The following MYT1L variants were observed in gnomAD, a reference collection of about 807,000 sequenced individuals.
The protein encoded by MYT1L is myelin transcription factor 1-like protein.
Under a neutral mutation model 126.7 loss-of-function variants are expected in MYT1L, and 12 were observed. That is an observed-to-expected ratio of 0.09 (90% CI 0.06 to 0.15). MYT1L has a LOEUF of 0.15. Ranked by LOEUF, MYT1L falls within the 10% of genes least tolerant of loss-of-function variation. The probability of loss-of-function intolerance (pLI) is 1.00; values close to 1 mark genes in which losing one functional copy is unlikely to be tolerated. For missense variants in MYT1L, 979 were observed against 1,585.2 expected (o/e 0.62, Z 6.49); for synonymous variants, 541 against 604.2 (o/e 0.90, Z 1.53).
intron 2 of MYT1L, among the ~76,000 whole-genome samples, chr2:2,237,799 A>T (rs1175325994): frequency 6.6e-6 from 1 of 152,214 alleles, no homozygotes; most frequent in Non-Finnish European, 1.5e-5. Context: ...TGACTGACAG[A>T]GATGGCATCT....
At chr2:1,892,481 C>CT (rs1185365190) in intron 14 of MYT1L, among the ~76,000 whole-genome samples, 194 bp from the exon 15 acceptor site, 1 of 150,108 alleles carries the variant, frequency 6.7e-6, no homozygotes, top group African/African-American at 2.4e-5. Flanking sequence ...CGGCTCCTTT[C>CT]TTTTTTCTTC....
intron 2 of MYT1L, among the ~76,000 whole-genome samples, chr2:2,233,308 G>A (rs1038936170): frequency 3.9e-5 from 6 of 152,118 alleles, no homozygotes; most frequent in Admixed American, 1.3e-4. Flanking sequence ...AGCAGAGCAC[G>A]GGGCGCCGGG....
chr2:2,105,409 A>G (rs772658390), intron 3 of MYT1L, among the ~76,000 whole-genome samples: 2 of 152,222 alleles, frequency 1.3e-5, no homozygotes, highest in Non-Finnish European at 2.9e-5. Flanking sequence ...TTCTAGAATG[A>G]GTGATATCTG....
At chr2:1,903,956 C>T (rs2195905) in intron 13 of MYT1L, among the ~76,000 whole-genome samples, 21,028 of 151,786 alleles carry the variant, frequency 0.14, 1,707 homozygotes, top group East Asian at 0.31. Flanking sequence ...TGTGCGCGTG[C>T]GCGCGTGTGT....
chr2:2,082,389 CA>C (rs1324883508), intron 3 of MYT1L, among the ~76,000 whole-genome samples: 1 of 152,146 alleles, frequency 6.6e-6, no homozygotes, highest in Admixed American at 6.5e-5. Flanking sequence ...TTTTCAGAGT[CA>C]CTGAAAAACA....
intron 3 of MYT1L, among the ~76,000 whole-genome samples, chr2:2,081,415 T>C (rs2075811209): frequency 1.3e-5 from 2 of 152,240 alleles, no homozygotes; most frequent in African/African-American, 4.8e-5. Context: ...CTCTGCATGC[T>C]TGACCAAATT....
rs1434022065 is a variant in MYT1L at position 1,943,083 on chromosome 2, A to G, written c.404T>C (p.Ile135Thr). 2.8e-6 allele frequency: 4 copies of G among 1,426,552 alleles called. No homozygotes were observed. In the South Asian group the frequency reaches 4.9e-5, roughly 18 times the overall value. The allele number at this position is 1,426,552 out of a possible 1,614,324, so 88.4% of individuals were successfully genotyped here. ...GTCATCGTCCTCATCCTCCTCCTCGATCTCCTCCTCCTCCTCCCGGTCCCC... is the reference window on the plus strand; with the variant it reads ...GTCATCGTCCTCATCCTCCTCCTCGGTCTCCTCCTCCTCCTCCCGGTCCCC... ...EEGDREEEEE[I>T]EEEDEDDDED... Residue 135 changes from isoleucine (I) to threonine (T), a missense_variant, in exon 9 of 25, where the codon ATC becomes ACC. By Grantham distance (89) the Ile-to-Thr change is moderately conservative (BLOSUM62 -1). This residue lies in a region of MYT1L where 111 missense variants were observed against 115.9 expected (regional missense o/e 0.96). Transcript: ENST00000647738. The surrounding 1 kb of genome is among the most constrained non-coding windows in gnomAD (Gnocchi z 4.4).
chr2:1,881,090 A>T (rs1385151873), intron 18 of MYT1L, among the ~76,000 whole-genome samples: 1 of 152,058 alleles, frequency 6.6e-6, no homozygotes, highest in Non-Finnish European at 1.5e-5. Flanking sequence ...TTCAGCCCAA[A>T]CCCCAATGCC....
At chr2:1,814,138 G>A (rs2037253515) in intron 21 of MYT1L, among the ~76,000 whole-genome samples, 1 of 151,748 alleles carries the variant, frequency 6.6e-6, no homozygotes, top group Admixed American at 6.6e-5. Context: ...CTTCTCACAC[G>A]TGCTGCCTCC....
chr2:1,789,686 G>C lies in MYT1L; in HGVS notation c.*2181C>G, dbSNP rs892286785. The C allele has an allele frequency of 6.6e-6, 1 of 152,176 alleles. No individual in the cohort carries two copies. Among genetic ancestry groups the C allele is most frequent in the Non-Finnish European group, 1.5e-5 (1 of 68,060 alleles). The allele number at this position is 152,176 out of a possible 1,614,324, so 9.4% of individuals were successfully genotyped here. ...AACGCGGTGGGGAAATGCATATGCT[G>C]TTATGAACAATGGGGGCCCTAAAGG... On this transcript the variant is annotated 3_prime_UTR_variant, in exon 25 of 25. Transcript: ENST00000647738.
Position 1,848,278 on chromosome 2 carries a change from GACACCACGGAAGCGCGAGGC to G in MYT1L, c.2774+3343_2774+3362del, listed in dbSNP as rs2042761764. Among the ~76,000 whole-genome samples, 1 of 51,200 alleles carries G rather than the reference GACACCACGGAAGCGCGAGGC, an allele frequency of 2.0e-5. No homozygotes were observed. The highest frequency in any genetic ancestry group is 3.6e-5 in the Non-Finnish European group (1 of 27,738). 33.6% of individuals were successfully genotyped at this position (51,200 alleles called of 152,430 possible). Reference sequence around the variant, plus strand: ...TGGGAGCAGGAGGGAGAATTCTACAGACACCACGGAAGCGCGAGGCATTTGTCCTGGGAGCAGGAGGAAGA... The same window carrying G: ...TGGGAGCAGGAGGGAGAATTCTACAGATTTGTCCTGGGAGCAGGAGGAAGA... On this transcript the variant is annotated intron_variant, in intron 19 of 24. Transcript: ENST00000647738. The surrounding 1 kb of genome is among the most constrained non-coding windows in gnomAD (Gnocchi z 4.8).
chr2:1,841,679 G>C (rs575500520), intron 19 of MYT1L: 3 of 152,222 alleles, frequency 2.0e-5, no homozygotes, highest in Non-Finnish European at 2.9e-5. Context: ...CAGAGAGCGC[G>C]GGAGCGAGCG....
At chr2:1,915,088 G>T (rs1346267253) in intron 11 of MYT1L, among the ~76,000 whole-genome samples, 1 of 152,160 alleles carries the variant, frequency 6.6e-6, no homozygotes, top group Non-Finnish European at 1.5e-5. Context: ...GGAGCTCTCT[G>T]AGGGCCAGTA....
chr2:2,111,746 C>A (rs2147752472), intron 3 of MYT1L, among the ~76,000 whole-genome samples: 1 of 152,312 alleles, frequency 6.6e-6, no homozygotes, highest in African/African-American at 2.4e-5. Flanking sequence ...TTTTCTCTTT[C>A]TTTATCTCAA....
intron 2 of MYT1L, among the ~76,000 whole-genome samples, chr2:2,275,382 T>C (rs540103574): frequency 6.6e-6 from 1 of 152,200 alleles, no homozygotes; most frequent in East Asian, 1.9e-4. Flanking sequence ...TAAAATCTGT[T>C]CAGTGTTCTG....
chr2:2,200,100 C>T (rs1559316181), intron 2 of MYT1L, among the ~76,000 whole-genome samples: 1 of 152,072 alleles, frequency 6.6e-6, no homozygotes, highest in African/African-American at 2.4e-5. Flanking sequence ...CACCGTGGCA[C>T]TATAGGAAGC....
At chr2:2,031,253 C>T (rs2066206878) in intron 4 of MYT1L, among the ~76,000 whole-genome samples, 2 of 152,232 alleles carry the variant, frequency 1.3e-5, no homozygotes, top group African/African-American at 4.8e-5. Context: ...GGCAAGCTTG[C>T]ATGAAAGAGG....
intron 18 of MYT1L, among the ~76,000 whole-genome samples, chr2:1,877,399 C>T (rs2047046906): frequency 6.8e-6 from 1 of 148,114 alleles, no homozygotes; most frequent in Non-Finnish European, 1.5e-5. Context: ...CATATTTTTT[C>T]TTTTTTCCAA....
At chr2:2,027,249 C>T (rs1445298352) in intron 4 of MYT1L, among the ~76,000 whole-genome samples, 1 of 152,150 alleles carries the variant, frequency 6.6e-6, no homozygotes. Flanking sequence ...GGAGGCAGAG[C>T]ACCCTCCCGG....
Sources: gnomAD v4.1 joint callset for allele counts (sites outside exome capture counted in the v4.1 genomes callset) on GRCh38, gnomAD v4.1.1 for gene constraint, gnomAD v4.1.1 regional missense constraint, Gnocchi (gnomAD v3.1) non-coding constraint, MANE v1.5 for transcripts, NCBI Gene and HGNC (gene_info 2026-07-23, HGNC 2026-07-21) for gene names.